Variants in HSP90AA1 observed in about 807,000 individuals in gnomAD.
The protein encoded by HSP90AA1 is heat shock protein HSP 90-alpha.
HSP90AA1 carries 18 observed loss-of-function variants against 73.3 expected under a neutral mutation model. The observed-to-expected ratio is 0.25, with a 90% CI of 0.17 to 0.36. The LOEUF (loss-of-function observed/expected upper bound fraction) is 0.36. HSP90AA1 is among the 10% of genes least tolerant of loss of function. The probability of loss-of-function intolerance (pLI) is 1.00; values close to 1 mark genes in which losing one functional copy is unlikely to be tolerated. For synonymous variants in HSP90AA1, 477 were observed against 296.9 expected, an observed-to-expected ratio of 1.61 and a Z score of -6.24; for missense variants, 704 against 874.2, an observed-to-expected ratio of 0.81 and a Z score of 2.45.
intron 1 of HSP90AA1, among the ~76,000 whole-genome samples, chr14:102,130,560 T>A (rs2049896205): frequency 6.6e-6 from 1 of 152,222 alleles, no homozygotes; most frequent in African/African-American, 2.4e-5. Flanking sequence ...TCTTTTCACG[T>A]GCTCCCTGGC....
At chr14:102,137,329 A>G (rs1026603109) in intron 1 of HSP90AA1, among the ~76,000 whole-genome samples, 4 of 150,134 alleles carry the variant, frequency 2.7e-5, no homozygotes. Context: ...TTATCTATTT[A>G]TTTATTTATT....
At position 102,085,394 on chromosome 14, in the gene HSP90AA1, G is replaced by A. The variant is rs1406819811; in HGVS notation, c.567C>T (p.His189=). 2.5e-6 allele frequency: 4 copies of A among 1,613,558 alleles called. No individual in the cohort carries two copies. The highest frequency in any genetic ancestry group is 3.4e-6 in the Non-Finnish European group (4 of 1,179,560). The change falls in exon 4 of 11, where the codon CAC becomes CAT. Residue 189 remains histidine, a synonymous_variant. Transcript: ENST00000216281. ...PMGRGTKVIL[H]LKEDQTEYLE... is the part of the protein sequence containing the mutation. The stretch of plus-strand genomic sequence containing the variant: ...AGTACTCAGTTTGGTCTTCTTTCAG[G>A]TGTAGGATAACTTTTGTTCCACGAC...
At chr14:102,105,408 G>A (rs550234451) in intron 1 of HSP90AA1, among the ~76,000 whole-genome samples, 2 of 152,216 alleles carry the variant, frequency 1.3e-5, no homozygotes, top group Admixed American at 6.5e-5. Flanking sequence ...TGGGGGCACA[G>A]TGAGGACGAG....
chr14:102,086,932 CCCCCAGTCCCGGT>C, intron 1 of HSP90AA1, 41 bp downstream of exon 1: 2 of 938,362 alleles, frequency 2.1e-6, no homozygotes, highest in Non-Finnish European at 2.5e-6. Flanking sequence ...GCGCCAGCCG[CCCCCAGTCCCGGT>C]CCCCAGTCCA....
chr14:102,128,992 G>T (rs181602810), intron 1 of HSP90AA1, among the ~76,000 whole-genome samples: 4 of 151,878 alleles, frequency 2.6e-5, no homozygotes, highest in Non-Finnish European at 5.9e-5. Flanking sequence ...TCTTTATGGC[G>T]CTCCCTGGAC....
chr14:102,104,312 C>T (rs768914614), intron 1 of HSP90AA1, among the ~76,000 whole-genome samples: 14 of 152,068 alleles, frequency 9.2e-5, no homozygotes, highest in Non-Finnish European at 1.6e-4. Context: ...TGGATGCAAG[C>T]GATTCTCCTG....
upstream of HSP90AA1, chr14:102,087,249 C>A (rs1294906758): frequency 2.9e-5 from 23 of 793,808 alleles, no homozygotes; most frequent in Non-Finnish European, 3.4e-5. Context: ...CCGGCCCGGG[C>A]AACCTTCCCT....
chr14:102,097,958 C>T lies in HSP90AA1; in HGVS notation c.366+3917G>A, dbSNP rs970202998. Among the ~76,000 whole-genome samples, 5 of 152,114 alleles carry T rather than the reference C, an allele frequency of 3.3e-5. No homozygotes were observed. In the South Asian group the frequency reaches 6.2e-4, roughly 19 times the overall value. On this transcript the variant is annotated intron_variant, in intron 2 of 11. Coordinates refer to the HSP90AA1 transcript ENST00000334701. Reference sequence around the variant, plus strand: ...TAAAAGGCCCTCCCACCCCAGCACCCGGCTAGTTCACACCTCTGCTCTCAT... The same window carrying T: ...TAAAAGGCCCTCCCACCCCAGCACCTGGCTAGTTCACACCTCTGCTCTCAT...
rs1045596409 is a variant in HSP90AA1, at chr14:102,115,118, G to C, written c.156-13033C>G. 9.0e-5 allele frequency among the ~76,000 whole-genome samples: 13 copies of C among 144,200 alleles called. No homozygotes were observed. The Admixed American group carries it at 9.7e-4, about 11-fold the overall frequency. 94.6% of individuals were successfully genotyped at this position (144,200 alleles called of 152,430 possible). On this transcript the variant is annotated intron_variant, in intron 1 of 11. Coordinates refer to the HSP90AA1 transcript ENST00000334701. ...GCCGAGATGGCGCCACTGCACTCCA[G>C]CCTGGGCCACAGAGCAAGAAAAAAA...
rs558004362 is a variant in HSP90AA1, at chr14:102,135,262, T to C, written c.155+3988A>G. ...AAACCTTGAGCTAAACACAGGGTGC[T>C]GATTGGTGTGTTTACAAACCTTGAG... On this transcript the variant is annotated intron_variant, in intron 1 of 11. Transcript: ENST00000334701. 4.2e-4 allele frequency among the ~76,000 whole-genome samples: 63 copies of C among 151,346 alleles called. 1 individual carries two copies. The highest frequency in any genetic ancestry group is 1.4e-3 in the African/African-American group (59 of 40,798).
At chr14:102,112,817 A>G (rs181461551) in intron 1 of HSP90AA1, among the ~76,000 whole-genome samples, 151 of 152,178 alleles carry the variant, frequency 9.9e-4, no homozygotes, top group African/African-American at 3.5e-3. Context: ...CTAGCATTTT[A>G]ATTTCTGCTG....
At chr14:102,081,870 C>CT in intron 10 of HSP90AA1, 49 bp from the exon 11 acceptor site, 1 of 921,200 alleles carries the variant, frequency 1.1e-6, no homozygotes. Context: ...TTAAAGCCAG[C>CT]TATTAGGGTA....
At chr14:102,118,111 C>G (rs1343040274) in intron 1 of HSP90AA1, among the ~76,000 whole-genome samples, 1 of 152,212 alleles carries the variant, frequency 6.6e-6, no homozygotes, top group Non-Finnish European at 1.5e-5. Flanking sequence ...ACAGACTCCC[C>G]TGGAGGCATA....
At chr14:102,083,516 G>T (rs759676924) in intron 8 of HSP90AA1, 30 bp downstream of exon 8, 1 of 1,605,176 alleles carries the variant, frequency 6.2e-7, no homozygotes, top group South Asian at 1.1e-5. Flanking sequence ...TAAGAACGAC[G>T]TGTATGACTG....
At chr14:102,088,029 C>G (rs1018992764), upstream of HSP90AA1, among the ~76,000 whole-genome samples, 1 of 149,050 alleles carries the variant, frequency 6.7e-6, no homozygotes, top group Non-Finnish European at 1.5e-5. Flanking sequence ...TCACTGCAGC[C>G]TCGACCCTCC....
Position 102,084,759 on chromosome 14 carries a change from G to A in HSP90AA1, c.903C>T (p.Pro301=), listed in dbSNP as rs112394273. 78 of 1,613,972 alleles carry A rather than the reference G, an allele frequency of 4.8e-5. 1 individual carries two copies. The highest frequency in any genetic ancestry group is 1.5e-4 in the African/African-American group (11 of 74,894). ...CGTACTCCTCATTAGTAATATCGTC[G>A]GGATTTCTGGTCCAGATGGGCTTTG... is the stretch of plus-strand genomic sequence containing the variant. ...NKTKPIWTRN[P]DDITNEEYGE... is the part of the protein sequence containing the mutation. The change falls in exon 5 of 11, where the codon CCC becomes CCT. Residue 301 remains proline, a synonymous_variant. Coordinates refer to ENST00000216281, the MANE Select transcript of HSP90AA1 (RefSeq NM_005348.4).
chr14:102,090,726 G>T (rs559808102), upstream of HSP90AA1, among the ~76,000 whole-genome samples: 3 of 152,262 alleles, frequency 2.0e-5, no homozygotes, highest in East Asian at 5.8e-4. Context: ...GCTGGGATTA[G>T]AGGCGTGAGC....
At chr14:102,138,923 T>C (rs371839979) in intron 1 of HSP90AA1, among the ~76,000 whole-genome samples, 3 of 152,204 alleles carry the variant, frequency 2.0e-5, no homozygotes, top group East Asian at 3.9e-4. Flanking sequence ...GATCTACTAG[T>C]AAATAATCTC....
chr14:102,132,090 C>T (rs1203438487), intron 1 of HSP90AA1, among the ~76,000 whole-genome samples: 2 of 152,054 alleles, frequency 1.3e-5, no homozygotes, highest in African/African-American at 4.8e-5. Context: ...TAAAAATGGC[C>T]GGGTATGGCG....
Sources: gnomAD v4.1 joint callset for allele counts (sites outside exome capture counted in the v4.1 genomes callset) on GRCh38, gnomAD v4.1.1 for gene constraint, MANE v1.5 for transcripts, NCBI Gene and HGNC (gene_info 2026-07-23, HGNC 2026-07-21) for gene names.